The following TEX13B variants were observed in gnomAD, a reference collection of about 807,000 sequenced individuals.
TEX13B encodes the protein testis-expressed protein 13B.
A neutral mutation model predicts 11.2 loss-of-function variants in TEX13B; 5 were observed. That is an observed-to-expected ratio of 0.44 (90% CI 0.23 to 0.93). The LOEUF is 0.93. Among genes scored for constraint, TEX13B ranks in the 40% least tolerant of loss-of-function variants. TEX13B has a pLI of 0.23. For missense variants in TEX13B, 213 were observed against 244.2 expected, an observed-to-expected ratio of 0.87 and a Z score of 0.85; for synonymous variants, 115 against 100.9, an observed-to-expected ratio of 1.14 and a Z score of -0.84.
Position 107,981,738 on chromosome X carries a change from C to G in TEX13B, c.390G>C (p.Gln130His). Residue 130 changes from glutamine to histidine, a missense_variant, in exon 2 of 3, where the codon CAG becomes CAC. By Grantham distance (24) the Gln-to-His change is conservative. Transcript: ENST00000302917. ...CCTCCGCAAGGCTGGTCTCGGTTAG[C>G]TGCAACTGGAAGGTCGCCTCATTGC... ...MECNEATFQL[Q>H]LTETSLAEVQ... The G allele has an allele frequency of 8.3e-7, 1 of 1,211,502 alleles. No homozygotes were observed. Among genetic ancestry groups the G allele is most frequent in the Non-Finnish European group, 1.1e-6 (1 of 895,225 alleles).
At position 107,981,343 on chromosome X, in the gene TEX13B, C is replaced by A; in HGVS notation, c.676G>T (p.Gly226Ter). 1 of 1,211,752 alleles carries A rather than the reference C, an allele frequency of 8.3e-7. No individual in the cohort carries two copies. Among genetic ancestry groups the A allele is most frequent in the Non-Finnish European group, 1.1e-6 (1 of 895,511 alleles). Residue 226 changes from glycine (G) to a stop codon, truncating the protein, a stop_gained, in exon 3 of 3, where the codon GGA (glycine) becomes TGA (stop). Coordinates refer to ENST00000302917, the MANE Select transcript of TEX13B (RefSeq NM_031273.2). LOFTEE classifies it high-confidence loss of function. ...GLGGGFRQPL[G>*]AIVAGKLHLC... ...TGTAATTTGCCTGCTACAATAGCTCCGAGGGGCTGCCTGAAGCCTCCTCCC... is the reference window on the plus strand; with the variant it reads ...TGTAATTTGCCTGCTACAATAGCTCAGAGGGGCTGCCTGAAGCCTCCTCCC...
rs2147893014 is a variant in TEX13B, at chrX:107,981,928, C to A, written c.200G>T (p.Cys67Phe). The A allele has an allele frequency of 8.3e-7, 1 of 1,211,096 alleles. No individual in the cohort carries two copies. Among genetic ancestry groups the A allele is most frequent in the Non-Finnish European group, 1.1e-6 (1 of 894,808 alleles). ...ACCCAAGGCCAGGCTGCCCCAGGTG[C>A]AGGCCTCTTTGACCTCGCTGGGCAC... ...SEVPSEVKEA[C>F]TWGSLALGVR... Residue 67 changes from cysteine to phenylalanine, a missense_variant, in exon 2 of 3, where the codon TGC becomes TTC. Cys to Phe is a radical substitution (Grantham distance 205, BLOSUM62 -2). Coordinates refer to ENST00000302917, the MANE Select transcript of TEX13B (RefSeq NM_031273.2).
chrX:107,981,258 A>G lies in TEX13B; in HGVS notation c.761T>C (p.Leu254Pro). 3 of 1,211,874 alleles carry G rather than the reference A, an allele frequency of 2.5e-6. No homozygotes were observed. The highest frequency in any genetic ancestry group is 1.8e-5 in the South Asian group (1 of 56,985). ...AGTGAGACTGTGGACCCAAGCCCAG[A>G]GAAGACAGACATGGCTGTTTGTACT... is the stretch of plus-strand genomic sequence containing the variant. Reference protein sequence around the residue: ...QVSTNSHVCLLWAWVHSLTGA... With the variant: ...QVSTNSHVCLPWAWVHSLTGA... The change falls in exon 3 of 3, where the codon CTC (leucine) becomes CCC (proline). Residue 254 changes from leucine (L) to proline (P), a missense_variant. Transcript: ENST00000302917.
Position 107,981,221 on chromosome X carries a change from G to C in TEX13B, c.798C>G (p.Ser266=). The stretch of plus-strand genomic sequence containing the variant: ...TGTGAATGAGGTAGGGAGCTGGACA[G>C]GAAGAGGCTCCAGTGAGACTGTGGA... The part of the protein sequence containing the change: ...AWVHSLTGAS[S]CPAPYLIHIL... The change falls in exon 3 of 3, where the codon TCC becomes TCG. Residue 266 remains serine, a synonymous_variant. Coordinates refer to ENST00000302917, the MANE Select transcript of TEX13B (RefSeq NM_031273.2). The C allele has an allele frequency of 8.3e-7, 1 of 1,212,009 alleles. No homozygotes were observed. The highest frequency in any genetic ancestry group is 1.1e-6 in the Non-Finnish European group (1 of 895,538).
chrX:107,980,984 G>T lies in TEX13B; in HGVS notation c.*96C>A. Reference sequence around the variant, plus strand: ...GTTCCCTGGCCTGCGATATACTGGAGGTCTTCTCTGCTGATGGAGTTCGGA... The same window carrying T: ...GTTCCCTGGCCTGCGATATACTGGATGTCTTCTCTGCTGATGGAGTTCGGA... On this transcript the variant is annotated 3_prime_UTR_variant, in exon 3 of 3. Transcript: ENST00000302917. The T allele has an allele frequency of 8.8e-7, 1 of 1,135,756 alleles. No homozygotes were observed. Among genetic ancestry groups the T allele is most frequent in the Non-Finnish European group, 1.2e-6 (1 of 829,308 alleles). 93.6% of individuals were successfully genotyped at this position (1,135,756 alleles called of 1,213,427 possible). A position where few individuals can be genotyped will look rare whatever the true frequency, so the allele number is the denominator to read the frequency against.
chrX:107,980,963 C>CGAA lies in TEX13B; in HGVS notation c.*116_*117insTTC, dbSNP rs1933753838. ...TTTACACCACGGGCAGTCCCAGTTCCCTGGCCTGCGATATACTGGAGGTCT... is the reference window on the plus strand; with the variant it reads ...TTTACACCACGGGCAGTCCCAGTTCCGAACTGGCCTGCGATATACTGGAGGTCT... On this transcript the variant is annotated 3_prime_UTR_variant, in exon 3 of 3. Transcript: ENST00000302917. The CGAA allele has an allele frequency of 1.8e-6, 2 of 1,081,382 alleles. No homozygotes were observed. Among genetic ancestry groups the CGAA allele is most frequent in the Non-Finnish European group, 1.3e-6 (1 of 780,953 alleles). 89.1% of individuals were successfully genotyped at this position (1,081,382 alleles called of 1,213,427 possible). A position where few individuals can be genotyped will look rare whatever the true frequency, so the allele number is the denominator to read the frequency against.
Position 107,981,435 on chromosome X carries a change from G to A in TEX13B, c.584C>T (p.Ala195Val). 4 of 1,211,549 alleles carry A rather than the reference G, an allele frequency of 3.3e-6. No individual in the cohort carries two copies. Among genetic ancestry groups the A allele is most frequent in the Non-Finnish European group, 4.5e-6 (4 of 895,471 alleles). ...ATACCTCTCCTCTCCTTTTCCTCCA[G>A]CAGCACCAGCAGCAGCCACCGCCTC... The part of the protein sequence containing the change: ...EKEAVAAAGA[A>V]GGKGEERYAE... Residue 195 changes from alanine (A) to valine (V), a missense_variant, in exon 3 of 3, where the codon GCT becomes GTT. Coordinates refer to ENST00000302917, the MANE Select transcript of TEX13B (RefSeq NM_031273.2).
chrX:107,982,199 C>T, intron 1 of TEX13B, 40 bp from the exon 2 acceptor site: 1 of 1,002,120 alleles, frequency 1.0e-6, no homozygotes, highest in Non-Finnish European at 1.3e-6. Context: ...TTTCCTCCTC[C>T]TTAGCCCCTC....
chrX:107,982,164 G>T lies in TEX13B; in HGVS notation c.-32-5C>A. 4 of 1,139,520 alleles carry T rather than the reference G, an allele frequency of 3.5e-6. No individual in the cohort carries two copies. Among genetic ancestry groups the T allele is most frequent in the Non-Finnish European group, 4.7e-6 (4 of 853,015 alleles). 93.9% of individuals were successfully genotyped at this position (1,139,520 alleles called of 1,213,427 possible). On this transcript the variant is annotated splice_polypyrimidine_tract_variant and splice_region_variant and intron_variant, in intron 1 of 2. Transcript: ENST00000302917. The stretch of plus-strand genomic sequence containing the variant: ...GGCTTAACGGTTTCACTAGCCCTGT[G>T]TGGATGGAGCAGCCAATAGGTTTCT...
rs993128012 is a variant in TEX13B at position 107,980,973 on chromosome X, G to A, written c.*107C>T. On this transcript the variant is annotated 3_prime_UTR_variant, in exon 3 of 3. Transcript: ENST00000302917. The stretch of plus-strand genomic sequence containing the variant: ...GGGCAGTCCCAGTTCCCTGGCCTGC[G>A]ATATACTGGAGGTCTTCTCTGCTGA... 79 of 1,101,856 alleles carry A rather than the reference G, an allele frequency of 7.2e-5. No individual in the cohort carries two copies. The highest frequency in any genetic ancestry group is 8.7e-5 in the Non-Finnish European group (70 of 800,826). 90.8% of individuals were successfully genotyped at this position (1,101,856 alleles called of 1,213,427 possible). A position where few individuals can be genotyped will look rare whatever the true frequency, so the allele number is the denominator to read the frequency against.
chrX:107,981,717 C>G lies in TEX13B; in HGVS notation c.411G>C (p.Ala137=). The change falls in exon 2 of 3, where the codon GCG becomes GCC. Residue 137 remains alanine (A), a synonymous_variant. Coordinates refer to ENST00000302917, the MANE Select transcript of TEX13B (RefSeq NM_031273.2). ...FQLQLTETSL[A]EVQRERDMLR... is the part of the protein sequence containing the mutation. ...GCATGTCCCGCTCTCTCTGCACCTC[C>G]GCAAGGCTGGTCTCGGTTAGCTGCA... 3 of 1,209,302 alleles carry G rather than the reference C, an allele frequency of 2.5e-6. No individual in the cohort carries two copies. Among genetic ancestry groups the G allele is most frequent in the Non-Finnish European group, 3.4e-6 (3 of 894,115 alleles).
At position 107,981,326 on chromosome X, in the gene TEX13B, G is replaced by A; in HGVS notation, c.693C>T (p.Gly231=). ...CCTCTGCCCCGCAAAGGTGTAATTT[G>A]CCTGCTACAATAGCTCCGAGGGGCT... is the stretch of plus-strand genomic sequence containing the variant. ...FRQPLGAIVA[G]KLHLCGAEGE... is the part of the protein sequence containing the mutation. Residue 231 remains glycine (G), a synonymous_variant, in exon 3 of 3, where the codon GGC becomes GGT. Coordinates refer to ENST00000302917, the MANE Select transcript of TEX13B (RefSeq NM_031273.2). 1 of 1,211,697 alleles carries A rather than the reference G, an allele frequency of 8.3e-7. No individual in the cohort carries two copies. Among genetic ancestry groups the A allele is most frequent in the Non-Finnish European group, 1.1e-6 (1 of 895,484 alleles).
Position 107,981,414 on chromosome X carries a change from C to G in TEX13B, c.605G>C (p.Arg202Thr). 2.5e-6 allele frequency: 3 copies of G among 1,211,849 alleles called. No individual in the cohort carries two copies. The highest frequency in any genetic ancestry group is 3.3e-6 in the Non-Finnish European group (3 of 895,541). The change falls in exon 3 of 3, where the codon AGG becomes ACG. Residue 202 changes from arginine (R) to threonine (T), a missense_variant. Coordinates refer to ENST00000302917, the MANE Select transcript of TEX13B (RefSeq NM_031273.2). Reference sequence around the variant, plus strand: ...GGGGGCAGGCCCTGCCTCTGCATACCTCTCCTCTCCTTTTCCTCCAGCAGC... The same window carrying G: ...GGGGGCAGGCCCTGCCTCTGCATACGTCTCCTCTCCTTTTCCTCCAGCAGC... ...AGAAGGKGEE[R>T]YAEAGPAPAE...
Position 107,982,079 on chromosome X carries a change from C to T in TEX13B, c.49G>A (p.Val17Met), listed in dbSNP as rs774841881. 1.6e-5 allele frequency: 19 copies of T among 1,207,549 alleles called. No homozygotes were observed. In the South Asian group the frequency reaches 3.0e-4, roughly 19 times the overall value. Residue 17 changes from valine (V) to methionine (M), a missense_variant, in exon 2 of 3, where the codon GTG becomes ATG. By Grantham distance (21) the Val-to-Met change is conservative. Transcript: ENST00000302917. ...ATTTTCTCGATGATGAAGGCCACCACGTTTCCGTGCCGGAACCCACTACTG... is the reference window on the plus strand; with the variant it reads ...ATTTTCTCGATGATGAAGGCCACCATGTTTCCGTGCCGGAACCCACTACTG... ...DPSSGFRHGN[V>M]VAFIIEKMAR... is the part of the protein sequence containing the mutation.
chrX:107,982,042 G>C lies in TEX13B; in HGVS notation c.86C>G (p.Thr29Arg), dbSNP rs935876213. The C allele has an allele frequency of 3.3e-6, 4 of 1,211,320 alleles. No homozygotes were observed. The East Asian group carries it at 8.9e-5, about 27-fold the overall frequency. ...AFIIEKMARH[T>R]KGPEFYFENI... ...CTCGAAGTAGAACTCGGGGCCTTTC[G>C]TGTGCCTGGCCATTTTCTCGATGAT... Residue 29 changes from threonine (T) to arginine (R), a missense_variant, in exon 2 of 3, where the codon ACG becomes AGG. By Grantham distance (71) the Thr-to-Arg change is moderately conservative (BLOSUM62 -1). Transcript: ENST00000302917.
At position 107,981,545 on chromosome X, in the gene TEX13B, G is replaced by A. The variant is rs200436916; in HGVS notation, c.474C>T (p.Pro158=). 17 of 1,209,570 alleles carry A rather than the reference G, an allele frequency of 1.4e-5. No individual in the cohort carries two copies. The Admixed American group carries it at 3.3e-4, about 23-fold the overall frequency. Residue 158 remains proline, a synonymous_variant, in exon 3 of 3, where the codon CCC becomes CCT. Transcript: ENST00000302917. The stretch of plus-strand genomic sequence containing the variant: ...ACACTGTAGCCTGGCCCTGTCCCTG[G>A]GGAGGTGCCAGCTCCTGGAGAGAAG... ...WKLFHAELAP[P]QGQGQATVFP...
At position 107,981,701 on chromosome X, in the gene TEX13B, G is replaced by A. The variant is rs202053690; in HGVS notation, c.427C>T (p.Arg143Trp). 3 of 1,202,100 alleles carry A rather than the reference G, an allele frequency of 2.5e-6. No homozygotes were observed. The highest frequency in any genetic ancestry group is 1.8e-5 in the South Asian group (1 of 55,524). The change falls in exon 2 of 3, where the codon CGG becomes TGG. Residue 143 changes from arginine (R) to tryptophan (W), a missense_variant. Physicochemically the swap from Arg to Trp is moderately radical, Grantham distance 101 (BLOSUM62 -3). Coordinates refer to ENST00000302917, the MANE Select transcript of TEX13B (RefSeq NM_031273.2). ...ETSLAEVQRERDMLRWKLFHA... is the reference protein window; with the variant it reads ...ETSLAEVQREWDMLRWKLFHA... Reference sequence around the variant, plus strand: ...AAGAGCTTCCATCTCAGCATGTCCCGCTCTCTCTGCACCTCCGCAAGGCTG... The same window carrying A: ...AAGAGCTTCCATCTCAGCATGTCCCACTCTCTCTGCACCTCCGCAAGGCTG...
Position 107,981,663 on chromosome X carries a change from T to C in TEX13B, c.459+6A>G. ...CATTGGACAGGGACCATTCGGGGGA[T>C]CTTACGGCATGGAAGAGCTTCCATC... On this transcript the variant is annotated splice_donor_region_variant and intron_variant, in intron 2 of 2. Coordinates refer to ENST00000302917, the MANE Select transcript of TEX13B (RefSeq NM_031273.2). The C allele has an allele frequency of 1.7e-6, 2 of 1,192,854 alleles. No homozygotes were observed. The highest frequency in any genetic ancestry group is 2.3e-6 in the Non-Finnish European group (2 of 884,083).
In TEX13B at chrX:107,981,668, C is replaced by T. The variant is rs149281284; in HGVS notation, c.459+1G>A. On this transcript the variant is annotated splice_donor_variant, in intron 2 of 2. Coordinates refer to ENST00000302917, the MANE Select transcript of TEX13B (RefSeq NM_031273.2). LOFTEE classifies it high-confidence loss of function. ...GACAGGGACCATTCGGGGGATCTTA[C>T]GGCATGGAAGAGCTTCCATCTCAGC... The T allele has an allele frequency of 1.5e-3, 1,744 of 1,191,564 alleles. 23 individuals carry two copies. The African/African-American group carries it at 0.027, about 19-fold the overall frequency.
Sources: allele counts gnomAD v4.1 joint callset, GRCh38; gene constraint gnomAD v4.1.1; transcripts MANE v1.5; gene names NCBI Gene and HGNC (gene_info 2026-07-23, HGNC 2026-07-21).